OSBPL9: variants seen among roughly 807,000 people sequenced by gnomAD.
OSBPL9 encodes oxysterol-binding protein-related protein 9.
In OSBPL9, 40 loss-of-function variants were observed where a neutral mutation model predicts 106.6. That is an observed-to-expected ratio of 0.38 (90% CI 0.29 to 0.49). The LOEUF (loss-of-function observed/expected upper bound fraction) is 0.49, where lower values mean the gene tolerates loss of function less well. Ranked by LOEUF, OSBPL9 falls within the 20% of genes least tolerant of loss-of-function variation. The pLI, the probability that OSBPL9 is intolerant of heterozygous loss-of-function variation, is 0.97. For missense variants in OSBPL9, 609 were observed against 887.2 expected (o/e 0.69, Z 3.98); for synonymous variants, 269 against 295.4 (o/e 0.91, Z 0.92).
chr1:51,758,443 G>C (rs1459116281), intron 9 of OSBPL9, among the ~76,000 whole-genome samples: 1 of 150,740 alleles, frequency 6.6e-6, no homozygotes, highest in Non-Finnish European at 1.5e-5. Context: ...AAAAAAACCT[G>C]GTCTATTTTG....
chr1:51,669,605 G>T, intron 3 of OSBPL9, 93 bp downstream of exon 3: 4 of 1,205,114 alleles, frequency 3.3e-6, no homozygotes, highest in Non-Finnish European at 4.8e-6. Context: ...GAATGGTTTT[G>T]CAACTGATCC....
intron 11 of OSBPL9, among the ~76,000 whole-genome samples, chr1:51,762,362 T>G (rs1484628392): frequency 6.6e-6 from 1 of 152,096 alleles, no homozygotes; most frequent in African/African-American, 2.4e-5. Context: ...GGAGTCTCCC[T>G]ATGTTGCTCA....
chr1:51,647,448 C>T (rs775874623), intron 1 of OSBPL9, among the ~76,000 whole-genome samples: 77 of 152,084 alleles, frequency 5.1e-4, no homozygotes, highest in Non-Finnish European at 3.4e-4. Context: ...GGAAAGTGTT[C>T]GCTCTTCTAT....
intron 2 of OSBPL9, among the ~76,000 whole-genome samples, chr1:51,658,969 TC>T (rs999853733): frequency 1.3e-5 from 2 of 152,224 alleles, no homozygotes; most frequent in Non-Finnish European, 2.9e-5. Flanking sequence ...GAAAATATCC[TC>T]CCTTGGGCAA....
intron 2 of OSBPL9, among the ~76,000 whole-genome samples, chr1:51,665,808 G>T (rs1432990922): frequency 6.6e-6 from 1 of 152,114 alleles, no homozygotes; most frequent in Non-Finnish European, 1.5e-5. Flanking sequence ...AAAGTACGCA[G>T]CGAGAAATGT....
chr1:51,676,616 G>A (rs151151286), intron 3 of OSBPL9, among the ~76,000 whole-genome samples: 3,287 of 144,602 alleles, frequency 0.023, 72 homozygotes, highest in Middle Eastern at 0.096. Context: ...CCGAGATCGC[G>A]CCACTGCACT....
At chr1:51,685,633 A>G (rs1363537955) in intron 3 of OSBPL9, among the ~76,000 whole-genome samples, 1 of 152,106 alleles carries the variant, frequency 6.6e-6, no homozygotes, top group African/African-American at 2.4e-5. Flanking sequence ...CCTGACCTCA[A>G]GTTATCTGCC....
Position 51,714,017 on chromosome 1 carries a change from G to A in OSBPL9, c.256G>A (p.Glu86Lys). ...TTTTATTCCAGCCCGTGATGCTGAT[G>A]AGCGAGAGAAGTGGATCCATGCCTT... ...TFHFQARDAD[E>K]REKWIHALEE... is the part of the protein sequence containing the mutation. The change falls in exon 4 of 24, where the codon GAG (glutamate) becomes AAG (lysine). Residue 86 changes from glutamate (E) to lysine (K), a missense_variant. Physicochemically the swap from Glu to Lys is moderately conservative, Grantham distance 56 (BLOSUM62 1). Around this residue, in one of 5 missense-constraint regions of OSBPL9, gnomAD observed 72 missense variants for 140.5 expected, o/e 0.51. Coordinates refer to ENST00000428468, the MANE Select transcript of OSBPL9 (RefSeq NM_024586.6). 1 of 1,607,462 alleles carries A rather than the reference G, an allele frequency of 6.2e-7. No individual in the cohort carries two copies. Among genetic ancestry groups the A allele is most frequent in the Admixed American group, 1.7e-5 (1 of 59,716 alleles).
intron 1 of OSBPL9, chr1:51,583,846 TCA>T (rs560206196): frequency 3.3e-5 from 5 of 150,794 alleles, no homozygotes; most frequent in East Asian, 1.9e-4. Context: ...GAATTAACAT[TCA>T]CACACACACA....
chr1:51,548,323 T>C, the OSBPL9 span, among the ~76,000 whole-genome samples: 487 of 152,304 alleles, frequency 3.2e-3, 4 homozygotes, highest in African/African-American at 0.011. Context: ...GGTCTTGAAC[T>C]CCTGGGCTCA....
Position 51,730,165 on chromosome 1 carries a change from G to T in OSBPL9, c.319-15371G>T, listed in dbSNP as rs986504491. 6.6e-5 allele frequency: 82 copies of T among 1,241,848 alleles called. No homozygotes were observed. In the African/African-American group the frequency reaches 1.2e-3, roughly 18 times the overall value. The allele number at this position is 1,241,848 out of a possible 1,614,324, so 76.9% of individuals were successfully genotyped here. ...TGGCTGCCCGGGCCCCTCTTCCTTG[G>T]GAGTTCTCAGTTCCTCAGCCTAGAT... is the stretch of plus-strand genomic sequence containing the variant. On this transcript the variant is annotated intron_variant, in intron 4 of 23. Coordinates refer to ENST00000428468, the MANE Select transcript of OSBPL9 (RefSeq NM_024586.6).
chr1:51,787,512 C>G (rs574894905), intron 23 of OSBPL9, 24 bp downstream of exon 23: 21 of 1,613,362 alleles, frequency 1.3e-5, no homozygotes, highest in African/African-American at 2.7e-5. Context: ...CCCCACCCTC[C>G]TAAGTGCTGT....
intron 1 of OSBPL9, among the ~76,000 whole-genome samples, chr1:51,590,663 T>A (rs1261733327): frequency 6.6e-6 from 1 of 151,538 alleles, no homozygotes; most frequent in Non-Finnish European, 1.5e-5. Context: ...AAGTCACGTT[T>A]AGGATTATGT....
intron 20 of OSBPL9, 92 bp downstream of exon 20, chr1:51,784,674 G>C (rs1208510226): frequency 7.1e-7 from 1 of 1,403,156 alleles, no homozygotes; most frequent in South Asian, 1.3e-5. Context: ...GAGTGTGAAA[G>C]AATGGTTCTG....
chr1:51,537,326 C>G, the OSBPL9 span, among the ~76,000 whole-genome samples: 1 of 152,104 alleles, frequency 6.6e-6, no homozygotes, highest in Non-Finnish European at 1.5e-5. Flanking sequence ...TTTAACACCT[C>G]CTTGCTTTCT....
chr1:51,565,595 C>A, the OSBPL9 span: 1 of 152,058 alleles, frequency 6.6e-6, no homozygotes, highest in Non-Finnish European at 1.5e-5. Flanking sequence ...AAAATAATAC[C>A]TGTTTGTGAA....
intron 2 of OSBPL9, among the ~76,000 whole-genome samples, chr1:51,662,740 GA>G (rs1358078615): frequency 7.0e-6 from 1 of 142,066 alleles, no homozygotes; most frequent in Non-Finnish European, 1.5e-5. Flanking sequence ...AAAAATCAAC[GA>G]ATTTTTTTTT....
intron 3 of OSBPL9, among the ~76,000 whole-genome samples, chr1:51,687,199 A>T (rs528528363): frequency 1.3e-5 from 2 of 152,298 alleles, no homozygotes; most frequent in South Asian, 4.1e-4. Flanking sequence ...CACACTGAGG[A>T]TGGCACAAGG....
chr1:51,740,347 C>T, intron 4 of OSBPL9: 1 of 1,132,278 alleles, frequency 8.8e-7, no homozygotes, highest in Non-Finnish European at 1.2e-6. Flanking sequence ...AAATTACATT[C>T]CTGCTAAGTT....
Sources: gnomAD v4.1 joint callset for allele counts (sites outside exome capture counted in the v4.1 genomes callset) on GRCh38, gnomAD v4.1.1 for gene constraint, gnomAD v4.1.1 regional missense constraint, MANE v1.5 for transcripts, NCBI Gene and HGNC (gene_info 2026-07-23, HGNC 2026-07-21) for gene names.